CADPS2: variants seen among roughly 807,000 people sequenced by gnomAD.
CADPS2 encodes the protein calcium-dependent secretion activator 2.
CADPS2 carries 93 observed loss-of-function variants against 172.5 expected under a neutral mutation model. The ratio of observed to expected loss-of-function variants is 0.54; its 90% CI spans 0.46 to 0.64. The LOEUF (loss-of-function observed/expected upper bound fraction) is 0.64. CADPS2 is among the 30% of genes least tolerant of loss of function. The pLI, the probability that CADPS2 is intolerant of heterozygous loss-of-function variation, is 0.00. For synonymous variants in CADPS2, 546 were observed against 555.2 expected (o/e 0.98, Z 0.23); for missense variants, 1,420 against 1,565.9 (o/e 0.91, Z 1.57).
chr7:122,500,400 T>C (rs1388410390), intron 9 of CADPS2, among the ~76,000 whole-genome samples: 2 of 152,218 alleles, frequency 1.3e-5, no homozygotes, highest in African/African-American at 2.4e-5. Context: ...ATAAGCCACA[T>C]ATTTATCGTC....
At chr7:122,564,429 C>T (rs2066139873) in intron 7 of CADPS2, among the ~76,000 whole-genome samples, 1 of 152,160 alleles carries the variant, frequency 6.6e-6, no homozygotes, top group East Asian at 1.9e-4. Flanking sequence ...CTGCCTCAGC[C>T]TCCGGAGTAG....
At chr7:122,782,714 A>G (rs992216729) in intron 1 of CADPS2, among the ~76,000 whole-genome samples, 3 of 152,236 alleles carry the variant, frequency 2.0e-5, no homozygotes, top group Non-Finnish European at 2.9e-5. Flanking sequence ...ACAGATACTA[A>G]GAAAGTATTT....
chr7:122,584,601 CTATTTTA>C lies in CADPS2; in HGVS notation c.1224-3318_1224-3312del, dbSNP rs776148393. Among the ~76,000 whole-genome samples, 29 of 151,966 alleles carry C rather than the reference CTATTTTA, an allele frequency of 1.9e-4. 1 individual carries two copies. Among genetic ancestry groups the C allele is most frequent in the Admixed American group, 3.3e-4 (5 of 15,224 alleles). On this transcript the variant is annotated intron_variant, in intron 6 of 29. Transcript: ENST00000449022. ...TCTTTGCTACATTATTCTAATTTAT[CTATTTTA>C]ACCCTGCTGTTTAAAATTTTAAGTT... is the stretch of plus-strand genomic sequence containing the variant.
At chr7:122,767,138 T>G (rs2093577469) in intron 1 of CADPS2, among the ~76,000 whole-genome samples, 1 of 152,178 alleles carries the variant, frequency 6.6e-6, no homozygotes, top group African/African-American at 2.4e-5. Flanking sequence ...TTCTAGAAAT[T>G]TTATTTAATG....
chr7:122,705,980 T>A (rs1419837848), intron 2 of CADPS2, among the ~76,000 whole-genome samples: 1 of 69,072 alleles, frequency 1.4e-5, no homozygotes, highest in African/African-American at 6.2e-5. Context: ...ATATAATATA[T>A]AATATTATAT....
chr7:122,671,349 C>T (rs946907653), intron 2 of CADPS2, among the ~76,000 whole-genome samples: 4 of 152,122 alleles, frequency 2.6e-5, no homozygotes, highest in African/African-American at 9.7e-5. Context: ...TTAATTCCCC[C>T]ATCCATGCAC....
At chr7:122,724,312 A>G (rs929946358) in intron 2 of CADPS2, among the ~76,000 whole-genome samples, 10 of 152,016 alleles carry the variant, frequency 6.6e-5, no homozygotes, top group Non-Finnish European at 1.3e-4. Flanking sequence ...ATACCTGACT[A>G]GCACTTAAAA....
chr7:122,702,764 T>C, intron 2 of CADPS2: 7 of 1,561,008 alleles, frequency 4.5e-6, no homozygotes, highest in Non-Finnish European at 6.1e-6. Context: ...TCCATTTGTC[T>C]ATTAAGAGAC....
At chr7:122,765,647 G>A (rs1230255479) in intron 1 of CADPS2, among the ~76,000 whole-genome samples, 1 of 152,082 alleles carries the variant, frequency 6.6e-6, no homozygotes, top group Non-Finnish European at 1.5e-5. Context: ...CCTCTATATA[G>A]AGGACTGTAT....
intron 1 of CADPS2, among the ~76,000 whole-genome samples, chr7:122,748,882 G>A (rs1285349865): frequency 6.6e-6 from 1 of 152,006 alleles, no homozygotes; most frequent in African/African-American, 2.4e-5. Flanking sequence ...TAAGGGGGTG[G>A]GGGAGGGATT....
intron 1 of CADPS2, among the ~76,000 whole-genome samples, chr7:122,876,141 CA>C (rs1310302991): frequency 6.6e-6 from 1 of 151,834 alleles, no homozygotes; most frequent in Non-Finnish European, 1.5e-5. Flanking sequence ...GCCAACATGG[CA>C]AAACACCATC....
chr7:122,318,914 C>G lies in CADPS2; in HGVS notation c.*1251G>C, dbSNP rs551441967. On this transcript the variant is annotated 3_prime_UTR_variant, in exon 30 of 30. Transcript: ENST00000449022. ...CCACTTATTCTGCATTAACTGCCTTCATTTAAAAATTACTTATTAATAAAT... is the reference window on the plus strand; with the variant it reads ...CCACTTATTCTGCATTAACTGCCTTGATTTAAAAATTACTTATTAATAAAT... 1.6e-4 allele frequency: 25 copies of G among 152,300 alleles called. No homozygotes were observed. In the South Asian group the frequency reaches 5.2e-3, roughly 32 times the overall value. The allele number at this position is 152,300 out of a possible 1,614,324, so 9.4% of individuals were successfully genotyped here.
chr7:122,842,085 G>A (rs773999146), intron 1 of CADPS2, among the ~76,000 whole-genome samples: 5 of 152,186 alleles, frequency 3.3e-5, no homozygotes, highest in Non-Finnish European at 7.3e-5. Context: ...TGAAACCCCA[G>A]GAATAGTCAC....
chr7:122,428,438 C>CAT (rs1030552873), intron 17 of CADPS2, among the ~76,000 whole-genome samples: 21 of 148,588 alleles, frequency 1.4e-4, no homozygotes, highest in Non-Finnish European at 2.8e-4. Flanking sequence ...TATACCTATA[C>CAT]ATATATATAC....
At chr7:122,552,784 T>G (rs1172481297) in intron 8 of CADPS2, among the ~76,000 whole-genome samples, 1 of 151,534 alleles carries the variant, frequency 6.6e-6, no homozygotes, top group African/African-American at 2.4e-5. Flanking sequence ...TGTTTTTTTT[T>G]TTTTTTTTTA....
chr7:122,658,047 AAAAC>A (rs1206866176), intron 3 of CADPS2, among the ~76,000 whole-genome samples: 1 of 152,190 alleles, frequency 6.6e-6, no homozygotes. Flanking sequence ...TTACAAGAAA[AAAAC>A]AAACAACCCC....
chr7:122,322,144 G>A (rs2032691565), intron 29 of CADPS2, among the ~76,000 whole-genome samples: 1 of 152,148 alleles, frequency 6.6e-6, no homozygotes, highest in African/African-American at 2.4e-5. Context: ...AATTAAACAT[G>A]TCAAACATAA....
At chr7:122,688,471 C>T (rs572151622) in intron 2 of CADPS2, among the ~76,000 whole-genome samples, 1 of 152,162 alleles carries the variant, frequency 6.6e-6, no homozygotes, top group African/African-American at 2.4e-5. Context: ...GAGTGGCAAA[C>T]AGCTGAAAGA....
At chr7:122,740,745 A>T (rs976226908) in intron 1 of CADPS2, among the ~76,000 whole-genome samples, 43 of 152,190 alleles carry the variant, frequency 2.8e-4, no homozygotes, top group African/African-American at 1.0e-3. Flanking sequence ...TTAACTAGAA[A>T]AAAAAATACT....
Sources: gnomAD v4.1 joint callset for allele counts (sites outside exome capture counted in the v4.1 genomes callset) on GRCh38, gnomAD v4.1.1 for gene constraint, MANE v1.5 for transcripts, NCBI Gene and HGNC (gene_info 2026-07-23, HGNC 2026-07-21) for gene names.